The following SSRP1 variants were observed in gnomAD, a reference collection of about 807,000 sequenced individuals.
The protein encoded by SSRP1 is structure specific recognition protein 1, also known as FACT complex subunit SSRP1.
In SSRP1, 21 loss-of-function variants were observed where a neutral mutation model predicts 84.4. The ratio of observed to expected loss-of-function variants is 0.25; its 90% CI spans 0.18 to 0.36. SSRP1 has a LOEUF of 0.36. Among genes scored for constraint, SSRP1 ranks in the 10% least tolerant of loss-of-function variants. The pLI, the probability that SSRP1 is intolerant of heterozygous loss-of-function variation, is 1.00. For missense variants in SSRP1, 519 were observed against 900.8 expected (o/e 0.58, Z 5.43); for synonymous variants, 319 against 318.3 (o/e 1.00, Z -0.02).
chr11:57,335,454 C>A lies in SSRP1; in HGVS notation c.-119-214G>T. 3.1e-6 allele frequency: 1 copy of A among 326,486 alleles called. No homozygotes were observed. The highest frequency in any genetic ancestry group is 6.0e-6 in the Non-Finnish European group (1 of 166,138). 20.2% of individuals were successfully genotyped at this position (326,486 alleles called of 1,614,324 possible). A position where few individuals can be genotyped will look rare whatever the true frequency, so the allele number is the denominator to read the frequency against. ...CCGCTGACACCCAACCCGACGCCCG[C>A]TCTGGCCGCTCCGGCGGGAGCCATG... is the stretch of plus-strand genomic sequence containing the variant. On this transcript the variant is annotated intron_variant, in intron 1 of 16. Transcript: ENST00000278412. This position sits in a 1 kb window ranked among gnomAD's most constrained non-coding sequence, Gnocchi z 4.6.
intron 14 of SSRP1, 56 bp from the exon 15 acceptor site, chr11:57,327,570 T>G: frequency 6.2e-7 from 1 of 1,608,596 alleles, no homozygotes; most frequent in Non-Finnish European, 8.5e-7. Flanking sequence ...ATCTCCCCTC[T>G]CCCCTGATGC....
chr11:57,334,580 G>A lies in SSRP1; in HGVS notation c.123C>T (p.Asp41=). 3 of 1,614,196 alleles carry A rather than the reference G, an allele frequency of 1.9e-6. No homozygotes were observed. Among genetic ancestry groups the A allele is most frequent in the South Asian group, 2.2e-5 (2 of 91,084 alleles). ...IFKNSKTGKV[D]NIQAGELTEG... ...CTGTTAACTCCCCAGCCTGGATGTT[G>A]TCCACTTTGCCTGTCTTGCTATTCT... Residue 41 remains aspartate, a synonymous_variant, in exon 3 of 17, where the codon GAC becomes GAT. Transcript: ENST00000278412.
chr11:57,328,282 A>G lies in SSRP1; in HGVS notation c.1611+15T>C, dbSNP rs1856024049. 1.2e-6 allele frequency: 2 copies of G among 1,613,434 alleles called. No individual in the cohort carries two copies. Among genetic ancestry groups the G allele is most frequent in the Non-Finnish European group, 1.7e-6 (2 of 1,179,620 alleles). ...CACTGCACCACACACAGGCCCTCCC[A>G]TCTACAGTCTGCACCTCCACAGGCT... On this transcript the variant is annotated intron_variant, in intron 13 of 16. Transcript: ENST00000278412.
Position 57,326,697 on chromosome 11 carries a change from C to T in SSRP1, c.2058+6G>A. Reference sequence around the variant, plus strand: ...CCAGCCCACAGGCCCCACATTCCTGCCGCACCTCGCTCCTCCTCCTCTTCT... The same window carrying T: ...CCAGCCCACAGGCCCCACATTCCTGTCGCACCTCGCTCCTCCTCCTCTTCT... On this transcript the variant is annotated splice_donor_region_variant and intron_variant, in intron 16 of 16. Coordinates refer to ENST00000278412, the MANE Select transcript of SSRP1 (RefSeq NM_003146.3). 1 of 1,611,982 alleles carries T rather than the reference C, an allele frequency of 6.2e-7. No homozygotes were observed. The highest frequency in any genetic ancestry group is 1.1e-5 in the South Asian group (1 of 90,850).
intron 12 of SSRP1, chr11:57,329,233 C>T (rs1039688161): frequency 6.6e-6 from 1 of 152,038 alleles, no homozygotes; most frequent in Non-Finnish European, 1.5e-5. Flanking sequence ...TTTTGCTGCC[C>T]GACATTCTTT....
rs1856064715 is a variant in SSRP1, at chr11:57,330,361, C to T, written c.1365G>A (p.Arg455=). 11 of 1,614,220 alleles carry T rather than the reference C, an allele frequency of 6.8e-6. No homozygotes were observed. The highest frequency in any genetic ancestry group is 9.3e-6 in the Non-Finnish European group (11 of 1,180,050). Residue 455 remains arginine (R), a synonymous_variant, in exon 11 of 17, where the codon AGG becomes AGA. Coordinates refer to ENST00000278412, the MANE Select transcript of SSRP1 (RefSeq NM_003146.3). This position sits in a 1 kb window ranked among gnomAD's most constrained non-coding sequence, Gnocchi z 4.0. ...DEDQHDAYLE[R]MKEEGKIREE... is the part of the protein sequence containing the mutation. ...CCCGGATCTTGCCTTCCTCCTTCAT[C>T]CTCTCCAAGTAGGCATCATGCTGGT...
chr11:57,329,956 A>C, intron 12 of SSRP1, 137 bp downstream of exon 12: 1 of 1,051,878 alleles, frequency 9.5e-7, no homozygotes, highest in Non-Finnish European at 1.4e-6. Context: ...ACATTTTCGT[A>C]TATCACCTCA....
intron 9 of SSRP1, among the ~76,000 whole-genome samples, chr11:57,331,305 G>A (rs1856085418): frequency 6.6e-6 from 1 of 152,130 alleles, no homozygotes; most frequent in African/African-American, 2.4e-5. Flanking sequence ...TCCACAGTGA[G>A]CACTCAATAA....
chr11:57,335,286 C>T lies in SSRP1; in HGVS notation c.-119-46G>A. 1 of 708,596 alleles carries T rather than the reference C, an allele frequency of 1.4e-6. No individual in the cohort carries two copies. Among genetic ancestry groups the T allele is most frequent in the Non-Finnish European group, 2.5e-6 (1 of 398,734 alleles). The allele number at this position is 708,596 out of a possible 1,614,324, so 43.9% of individuals were successfully genotyped here. Reference sequence around the variant, plus strand: ...GATAAGCATGAAAGACAGCACCTCGCTGTGCTCACGGATGGAGCCAGGTAG... The same window carrying T: ...GATAAGCATGAAAGACAGCACCTCGTTGTGCTCACGGATGGAGCCAGGTAG... On this transcript the variant is annotated intron_variant, in intron 1 of 16. Transcript: ENST00000278412. The surrounding 1 kb of genome is among the most constrained non-coding windows in gnomAD (Gnocchi z 4.6).
rs373177172 is a variant in SSRP1, at chr11:57,332,987, G to C, written c.509C>G (p.Thr170Ser). The C allele has an allele frequency of 6.2e-7, 1 of 1,613,576 alleles. No individual in the cohort carries two copies. The highest frequency in any genetic ancestry group is 1.3e-5 in the African/African-American group (1 of 75,058). Reference protein sequence around the residue: ...LMEVRFYVPPTQEDGVDPVEA... With the variant: ...LMEVRFYVPPSQEDGVDPVEA... The stretch of plus-strand genomic sequence containing the variant: ...AACAGGGTCCACACCATCCTCCTGG[G>C]TGGGTGGGACGTAGAAGCGCACCTC... The change falls in exon 5 of 17, where the codon ACC (threonine) becomes AGC (serine). Residue 170 changes from threonine to serine, a missense_variant. Physicochemically the swap from Thr to Ser is moderately conservative, Grantham distance 58. This residue lies in a region of SSRP1 where 159 missense variants were observed against 359.0 expected (regional missense o/e 0.44). Transcript: ENST00000278412. This position sits in a 1 kb window ranked among gnomAD's most constrained non-coding sequence, Gnocchi z 5.5.
Position 57,335,698 on chromosome 11 carries a change from C to G in SSRP1, c.-120+32G>C, listed in dbSNP as rs1342205723. 1 of 153,212 alleles carries G rather than the reference C, an allele frequency of 6.5e-6. No individual in the cohort carries two copies. The highest frequency in any genetic ancestry group is 1.5e-5 in the Non-Finnish European group (1 of 68,642). 9.5% of individuals were successfully genotyped at this position (153,212 alleles called of 1,614,324 possible). A position where few individuals can be genotyped will look rare whatever the true frequency, so the allele number is the denominator to read the frequency against. ...GTCCCGTGGGGGAGCGGGGCCCCTG[C>G]CTTCCTGGGACCGGGGACGACCACC... On this transcript the variant is annotated intron_variant, in intron 1 of 16. Coordinates refer to ENST00000278412, the MANE Select transcript of SSRP1 (RefSeq NM_003146.3). This position sits in a 1 kb window ranked among gnomAD's most constrained non-coding sequence, Gnocchi z 4.6.
chr11:57,329,780 C>T (rs1337696778), intron 12 of SSRP1: 2 of 466,404 alleles, frequency 4.3e-6, no homozygotes, highest in Admixed American at 3.8e-5. Flanking sequence ...TACTCGACAA[C>T]CCCCAGCAAG....
chr11:57,333,463 G>A lies in SSRP1; in HGVS notation c.318C>T (p.Gly106=), dbSNP rs768670816. The A allele has an allele frequency of 9.9e-6, 16 of 1,613,914 alleles. No homozygotes were observed. The African/African-American group carries it at 2.1e-4, about 22-fold the overall frequency. The change falls in exon 4 of 17, where the codon GGC becomes GGT. Residue 106 remains glycine, a synonymous_variant. Coordinates refer to ENST00000278412, the MANE Select transcript of SSRP1 (RefSeq NM_003146.3). ...ELMEKDLCVK[G]WNWGTVKFGG... Reference sequence around the variant, plus strand: ...CAAATTTCACTGTCCCCCAGTTCCAGCCCTTCACACAAAGGTCCTTCTCCA... The same window carrying A: ...CAAATTTCACTGTCCCCCAGTTCCAACCCTTCACACAAAGGTCCTTCTCCA...
rs968300939 is a variant in SSRP1 at position 57,332,060 on chromosome 11, G to C, written c.1001+92C>G. 81 of 1,591,824 alleles carry C rather than the reference G, an allele frequency of 5.1e-5. No homozygotes were observed. In the African/African-American group the frequency reaches 1.0e-3, roughly 21 times the overall value. On this transcript the variant is annotated intron_variant, in intron 8 of 16. Coordinates refer to ENST00000278412, the MANE Select transcript of SSRP1 (RefSeq NM_003146.3). This position sits in a 1 kb window ranked among gnomAD's most constrained non-coding sequence, Gnocchi z 5.5. ...CACAAGGTCCCATCCAGGCCTCTAG[G>C]AGGCCGCATTCCCATCTCAGGAAGG...
In SSRP1 at chr11:57,333,055, T is replaced by G; in HGVS notation, c.441A>C (p.Thr147=). The G allele has an allele frequency of 6.2e-7, 1 of 1,614,168 alleles. No homozygotes were observed. The highest frequency in any genetic ancestry group is 8.5e-7 in the Non-Finnish European group (1 of 1,180,032). Reference sequence around the variant, plus strand: ...CGTCATCGTTTTGGTGGAATTCCAGTGTCACCTCATTCTTGCCTGTGGTGC... The same window carrying G: ...CGTCATCGTTTTGGTGGAATTCCAGGGTCACCTCATTCTTGCCTGTGGTGC... ...SQCTTGKNEV[T]LEFHQNDDAE... The change falls in exon 5 of 17, where the codon ACA becomes ACC. Residue 147 remains threonine (T), a synonymous_variant. Coordinates refer to ENST00000278412, the MANE Select transcript of SSRP1 (RefSeq NM_003146.3).
In SSRP1 at chr11:57,330,295, T is replaced by A; in HGVS notation, c.1431A>T (p.Glu477Asp). 1 of 1,614,242 alleles carries A rather than the reference T, an allele frequency of 6.2e-7. No homozygotes were observed. Among genetic ancestry groups the A allele is most frequent in the Non-Finnish European group, 8.5e-7 (1 of 1,180,046 alleles). ...TCAGCACGGAGGCTAACCCACCGGT[T>A]TCTTCTCCTGAGTCATCGCTGCTGT... ...ANDSSDDSGE[E>D]TDESFNPGEE... Residue 477 changes from glutamate (E) to aspartate (D), a missense_variant, in exon 11 of 17, where the codon GAA (glutamate) becomes GAT (aspartate). This residue lies in a region of SSRP1 where 24 missense variants were observed against 68.2 expected (regional missense o/e 0.35). Coordinates refer to ENST00000278412, the MANE Select transcript of SSRP1 (RefSeq NM_003146.3). This position sits in a 1 kb window ranked among gnomAD's most constrained non-coding sequence, Gnocchi z 4.0.
chr11:57,326,368 G>T lies in SSRP1; in HGVS notation c.*39C>A, dbSNP rs778729316. ...CAAAATATGGGTGGGGAGTCGGGGG[G>T]TGTGAGAAGGCAAGCGCAAAGAGAA... On this transcript the variant is annotated 3_prime_UTR_variant, in exon 17 of 17. Transcript: ENST00000278412. 1 of 1,595,396 alleles carries T rather than the reference G, an allele frequency of 6.3e-7. No homozygotes were observed. The highest frequency in any genetic ancestry group is 1.7e-5 in the Admixed American group (1 of 59,990).
In SSRP1 at chr11:57,335,684, G is replaced by C. The variant is rs112764788; in HGVS notation, c.-120+46C>G. The C allele has an allele frequency of 7.1e-3, 1,088 of 153,594 alleles. 14 individuals are homozygous for C. Among genetic ancestry groups the C allele is most frequent in the African/African-American group, 0.024 (1,014 of 41,582 alleles). The allele number at this position is 153,594 out of a possible 1,614,324, so 9.5% of individuals were successfully genotyped here. On this transcript the variant is annotated intron_variant, in intron 1 of 16. Transcript: ENST00000278412. The surrounding 1 kb of genome is among the most constrained non-coding windows in gnomAD (Gnocchi z 4.6). ...GGTCCATGTCGAGGGTCCCGTGGGG[G>C]AGCGGGGCCCCTGCCTTCCTGGGAC... is the stretch of plus-strand genomic sequence containing the variant.
In SSRP1 at chr11:57,334,791, C is replaced by A. The variant is rs571111532; in HGVS notation, c.55-143G>T. 131 of 1,033,090 alleles carry A rather than the reference C, an allele frequency of 1.3e-4. 1 individual carries two copies. Among genetic ancestry groups the A allele is most frequent in the Non-Finnish European group, 1.7e-4 (117 of 708,370 alleles). 64.0% of individuals were successfully genotyped at this position (1,033,090 alleles called of 1,614,324 possible). ...GCAACAGCTGAGGGTGCCAAGGAGT[C>A]TAGATTCTAAACCAGACTCTGGTAT... is the stretch of plus-strand genomic sequence containing the variant. On this transcript the variant is annotated intron_variant, in intron 2 of 16. Coordinates refer to ENST00000278412, the MANE Select transcript of SSRP1 (RefSeq NM_003146.3).
Sources: gnomAD v4.1 joint callset for allele counts (sites outside exome capture counted in the v4.1 genomes callset) on GRCh38, gnomAD v4.1.1 for gene constraint, gnomAD v4.1.1 regional missense constraint, Gnocchi (gnomAD v3.1) non-coding constraint, MANE v1.5 for transcripts, NCBI Gene and HGNC (gene_info 2026-07-23, HGNC 2026-07-21) for gene names.